Variants in SH3RF3 observed in about 807,000 individuals in gnomAD.
The protein encoded by SH3RF3 is SH3 domain containing ring finger 3.
SH3RF3 carries 29 observed loss-of-function variants against 66.3 expected under a neutral mutation model. The observed-to-expected ratio is 0.44, with a 90% CI of 0.33 to 0.60. SH3RF3 has a LOEUF of 0.60. Ranked by LOEUF, SH3RF3 falls within the 20% of genes least tolerant of loss-of-function variation. The pLI is 0.04. For missense variants in SH3RF3, 1,194 were observed against 1,190.9 expected (o/e 1.00, Z -0.04); for synonymous variants, 583 against 532.0 (o/e 1.10, Z -1.32).
chr2:109,234,957 C>T (rs1226858092), intron 1 of SH3RF3, among the ~76,000 whole-genome samples: 1 of 152,186 alleles, frequency 6.6e-6, no homozygotes, highest in African/African-American at 2.4e-5. Context: ...CTAACCTCAG[C>T]ACCTGTTGTC....
At chr2:109,413,218 G>A (rs964902301) in intron 4 of SH3RF3, among the ~76,000 whole-genome samples, 1 of 152,298 alleles carries the variant, frequency 6.6e-6, no homozygotes, top group Non-Finnish European at 1.5e-5. Context: ...GGGTTCAAAC[G>A]ATTCTCCTGC....
At chr2:109,357,871 A>G (rs1270417142) in intron 2 of SH3RF3, among the ~76,000 whole-genome samples, 1 of 152,162 alleles carries the variant, frequency 6.6e-6, no homozygotes, top group East Asian at 1.9e-4. Flanking sequence ...TGTCAACATC[A>G]CTCACCAGAG....
chr2:109,236,433 A>G (rs1267813661), intron 1 of SH3RF3, among the ~76,000 whole-genome samples: 2 of 152,114 alleles, frequency 1.3e-5, no homozygotes, highest in African/African-American at 4.8e-5. Context: ...TTTCTCCTCA[A>G]ACTTCACCTT....
chr2:109,235,598 T>G (rs535356497), intron 1 of SH3RF3, among the ~76,000 whole-genome samples: 1 of 152,356 alleles, frequency 6.6e-6, no homozygotes, highest in African/African-American at 2.4e-5. Flanking sequence ...TGCCATGGCA[T>G]GGGCCTCGAA....
chr2:109,418,173 G>T (rs1676774796), intron 4 of SH3RF3, among the ~76,000 whole-genome samples: 1 of 152,078 alleles, frequency 6.6e-6, no homozygotes, highest in Non-Finnish European at 1.5e-5. Flanking sequence ...TCCAGTTTCT[G>T]CTGGGACCCC....
chr2:109,238,447 ATTTGTGTGTG>A (rs1679698853), intron 1 of SH3RF3, among the ~76,000 whole-genome samples: 1 of 119,900 alleles, frequency 8.3e-6, no homozygotes, highest in Non-Finnish European at 1.7e-5. Flanking sequence ...TGTTATGTAT[ATTTGTGTGTG>A]TGTGTGTGTG....
chr2:109,267,273 T>C (rs1303439042), intron 1 of SH3RF3, among the ~76,000 whole-genome samples: 1 of 152,140 alleles, frequency 6.6e-6, no homozygotes, highest in Admixed American at 6.5e-5. Flanking sequence ...CATAGCTTCC[T>C]GTTAGGTCTG....
chr2:109,417,670 A>G (rs990916398), intron 4 of SH3RF3, among the ~76,000 whole-genome samples: 1 of 152,152 alleles, frequency 6.6e-6, no homozygotes, highest in Non-Finnish European at 1.5e-5. Context: ...GAGTTACCCT[A>G]GAGACACCAA....
chr2:109,329,169 A>G (rs1682227706), intron 1 of SH3RF3, among the ~76,000 whole-genome samples: 1 of 151,864 alleles, frequency 6.6e-6, no homozygotes, highest in Admixed American at 6.6e-5. Context: ...TTCTCTGCGC[A>G]TTTGTTTGGT....
intron 5 of SH3RF3, among the ~76,000 whole-genome samples, chr2:109,420,507 G>A (rs1463115256): frequency 6.6e-6 from 1 of 152,060 alleles, no homozygotes; most frequent in South Asian, 2.1e-4. Flanking sequence ...GTGCAATGGC[G>A]CGATCCCGGC....
rs550944113 is a variant in SH3RF3, at chr2:109,449,590, A to T, written c.2148+101A>T. 664 of 1,412,288 alleles carry T rather than the reference A, an allele frequency of 4.7e-4. 4 individuals are homozygous for T. The highest frequency in any genetic ancestry group is 3.3e-3 in the Middle Eastern group (18 of 5,498). The allele number at this position is 1,412,288 out of a possible 1,614,324, so 87.5% of individuals were successfully genotyped here. A position where few individuals can be genotyped will look rare whatever the true frequency, so the allele number is the denominator to read the frequency against. On this transcript the variant is annotated intron_variant, in intron 8 of 9. Coordinates refer to ENST00000309415, the MANE Select transcript of SH3RF3 (RefSeq NM_001099289.3). ...TGGCATTTGTGCAATTGAAGCTAGA[A>T]TGTGGGCTCCAAGTGCCTGCCCCTA...
At chr2:109,363,004 T>C (rs1487925035) in intron 2 of SH3RF3, among the ~76,000 whole-genome samples, 2 of 152,182 alleles carry the variant, frequency 1.3e-5, no homozygotes, top group South Asian at 2.1e-4. Flanking sequence ...CTTGTTTTAT[T>C]TTATCAACTT....
At chr2:109,279,443 T>G (rs943372304) in intron 1 of SH3RF3, among the ~76,000 whole-genome samples, 2 of 152,208 alleles carry the variant, frequency 1.3e-5, no homozygotes, top group Non-Finnish European at 2.9e-5. Flanking sequence ...CTACTGGGTC[T>G]TCCTCCACCT....
intron 1 of SH3RF3, among the ~76,000 whole-genome samples, chr2:109,284,397 A>G (rs1680975018): frequency 6.6e-6 from 1 of 152,194 alleles, no homozygotes; most frequent in African/African-American, 2.4e-5. Flanking sequence ...GAATTTGGCA[A>G]TTGTGGGGCA....
intron 1 of SH3RF3, among the ~76,000 whole-genome samples, chr2:109,336,414 A>G (rs539045646): frequency 6.6e-6 from 1 of 152,362 alleles, no homozygotes; most frequent in African/African-American, 2.4e-5. Context: ...CATGCAAAAT[A>G]CATTTGGAAG....
At chr2:109,304,577 G>A (rs1181932716) in intron 1 of SH3RF3, among the ~76,000 whole-genome samples, 1 of 152,166 alleles carries the variant, frequency 6.6e-6, no homozygotes, top group Non-Finnish European at 1.5e-5. Context: ...TGCACCCGTC[G>A]GCACTGCCCT....
intron 1 of SH3RF3, among the ~76,000 whole-genome samples, chr2:109,326,563 TTGTG>T (rs1440250359): frequency 1.3e-5 from 2 of 152,210 alleles, no homozygotes; most frequent in African/African-American, 4.8e-5. Flanking sequence ...TGGCATCTCA[TTGTG>T]GTTTAATTTG....
chr2:109,333,976 T>G (rs1682345216), intron 1 of SH3RF3, among the ~76,000 whole-genome samples: 1 of 152,146 alleles, frequency 6.6e-6, no homozygotes, highest in Non-Finnish European at 1.5e-5. Flanking sequence ...CAAGTGGTAA[T>G]GTGTTAAATT....
At chr2:109,426,788 A>C (rs190730853) in intron 5 of SH3RF3, among the ~76,000 whole-genome samples, 1 of 152,262 alleles carries the variant, frequency 6.6e-6, no homozygotes, top group Non-Finnish European at 1.5e-5. Flanking sequence ...GAAAGAGTCA[A>C]TGTAGCAAAC....
Sources: allele counts gnomAD v4.1 joint callset (sites outside exome capture counted in the v4.1 genomes callset), GRCh38; gene constraint gnomAD v4.1.1; transcripts MANE v1.5; gene names NCBI Gene and HGNC (gene_info 2026-07-23, HGNC 2026-07-21).